Variants in ENTREP2 observed in about 807,000 individuals in gnomAD.
ENTREP2 encodes the protein protein ENTREP2.
chr15:29,378,877 A>T, the ENTREP2 span, among the ~76,000 whole-genome samples: 45,955 of 151,768 alleles, frequency 0.3, 7,628 homozygotes, highest in African/African-American at 0.45. Flanking sequence ...CCCTAATAGA[A>T]CTTTATATTG....
the ENTREP2 span, among the ~76,000 whole-genome samples, chr15:29,338,433 AAAAAAAAAGAAAAG>A: frequency 4.0e-5 from 6 of 151,646 alleles, no homozygotes; most frequent in Non-Finnish European, 8.8e-5. Context: ...CTCAAAAAAA[AAAAAAAAAGAAAAG>A]AAAAAAAAGA....
At chr15:29,150,459 T>A in the ENTREP2 span, among the ~76,000 whole-genome samples, 1 of 152,232 alleles carries the variant, frequency 6.6e-6, no homozygotes, top group Non-Finnish European at 1.5e-5. Flanking sequence ...CAAATGGATG[T>A]GATATTTACA....
chr15:29,229,805 C>G, the ENTREP2 span, among the ~76,000 whole-genome samples: 1 of 152,100 alleles, frequency 6.6e-6, no homozygotes, highest in Non-Finnish European at 1.5e-5. Context: ...TCCTCTTTTT[C>G]TAGACAATCT....
the ENTREP2 span, among the ~76,000 whole-genome samples, chr15:29,467,189 G>A: frequency 9.2e-5 from 14 of 152,208 alleles, no homozygotes; most frequent in African/African-American, 1.7e-4. Context: ...TGTGTCCTGC[G>A]GCAAAGCGAT....
At chr15:29,156,684 C>T in the ENTREP2 span, among the ~76,000 whole-genome samples, 1 of 152,006 alleles carries the variant, frequency 6.6e-6, no homozygotes, top group African/African-American at 2.4e-5. Flanking sequence ...CTCTGAAGTT[C>T]AGAACAAAAG....
the ENTREP2 span, among the ~76,000 whole-genome samples, chr15:29,180,161 T>C: frequency 6.6e-6 from 1 of 152,096 alleles, no homozygotes; most frequent in Non-Finnish European, 1.5e-5. Flanking sequence ...GACAACTAGT[T>C]AGTAAGGACA....
chr15:29,257,901 A>C, the ENTREP2 span, among the ~76,000 whole-genome samples: 2 of 152,174 alleles, frequency 1.3e-5, no homozygotes, highest in African/African-American at 4.8e-5. Context: ...TCCCTTGGGA[A>C]AGTTAGGTCA....
chr15:29,618,068 T>G, the ENTREP2 span, among the ~76,000 whole-genome samples: 3 of 152,196 alleles, frequency 2.0e-5, no homozygotes, highest in African/African-American at 7.2e-5. Context: ...TCTTAGAGTC[T>G]TAGAAATAAT....
chr15:29,130,991 C>T, the ENTREP2 span, among the ~76,000 whole-genome samples: 1 of 152,190 alleles, frequency 6.6e-6, no homozygotes, highest in African/African-American at 2.4e-5. Flanking sequence ...GGAATCACTT[C>T]ACCTGGGTCT....
the ENTREP2 span, among the ~76,000 whole-genome samples, chr15:29,656,851 T>C: frequency 2.0e-5 from 3 of 152,212 alleles, no homozygotes; most frequent in Non-Finnish European, 4.4e-5. Flanking sequence ...TGCTAGGTAT[T>C]ACCCAAGTGA....
the ENTREP2 span, among the ~76,000 whole-genome samples, chr15:29,531,401 CT>C: frequency 6.6e-6 from 1 of 152,102 alleles, no homozygotes; most frequent in African/African-American, 2.4e-5. Context: ...TGAAAGTGGA[CT>C]GGTGTGGGGG....
At chr15:29,463,815 T>C in the ENTREP2 span, among the ~76,000 whole-genome samples, 2 of 152,174 alleles carry the variant, frequency 1.3e-5, no homozygotes, top group Admixed American at 6.5e-5. Flanking sequence ...TAAGTGTCCA[T>C]CAATGGCAGA....
the ENTREP2 span, among the ~76,000 whole-genome samples, chr15:29,166,923 C>T: frequency 6.6e-6 from 1 of 152,170 alleles, no homozygotes; most frequent in South Asian, 2.1e-4. Context: ...TCAAACTATA[C>T]TATAAGGCCA....
At chr15:29,542,571 T>C in the ENTREP2 span, among the ~76,000 whole-genome samples, 3 of 152,192 alleles carry the variant, frequency 2.0e-5, no homozygotes, top group South Asian at 6.2e-4. Flanking sequence ...CCCAAAGTGC[T>C]GGGATTACAG....
the ENTREP2 span, among the ~76,000 whole-genome samples, chr15:29,250,789 T>C: frequency 6.6e-6 from 1 of 152,338 alleles, no homozygotes; most frequent in East Asian, 1.9e-4. Flanking sequence ...AGATGGCAAG[T>C]TATCCTTTCA....
At chr15:29,344,356 C>A in the ENTREP2 span, among the ~76,000 whole-genome samples, 2 of 152,160 alleles carry the variant, frequency 1.3e-5, no homozygotes, top group East Asian at 3.9e-4. Flanking sequence ...AAGTACACAC[C>A]ATTTTACAGG....
At chr15:29,470,722 C>T in the ENTREP2 span, among the ~76,000 whole-genome samples, 1 of 152,160 alleles carries the variant, frequency 6.6e-6, no homozygotes, top group African/African-American at 2.4e-5. Flanking sequence ...GCCTGAAGGA[C>T]GCTCTGCCTT....
the ENTREP2 span, among the ~76,000 whole-genome samples, chr15:29,480,290 T>G: frequency 1.1e-5 from 1 of 91,422 alleles, no homozygotes; most frequent in Admixed American, 1.8e-4. Flanking sequence ...CCTACGAAAA[T>G]AACCAGACAA....
the ENTREP2 span, among the ~76,000 whole-genome samples, chr15:29,448,197 T>C: frequency 6.6e-6 from 1 of 152,212 alleles, no homozygotes; most frequent in African/African-American, 2.4e-5. Context: ...AACAGTGGCC[T>C]ATAGGTGGGT....
Sources: gnomAD v4.1 joint callset for allele counts (sites outside exome capture counted in the v4.1 genomes callset) on GRCh38, gnomAD v4.1.1 for gene constraint, MANE v1.5 for transcripts, NCBI Gene and HGNC (gene_info 2026-07-23, HGNC 2026-07-21) for gene names.